Variants in INSL6 observed in about 807,000 individuals in gnomAD.
INSL6 encodes insulin like 6.
A neutral mutation model predicts 9.4 loss-of-function variants in INSL6; 16 were observed. The observed-to-expected ratio is 1.70, with a 90% CI of 1.15 to 2.59. The LOEUF is 2.59. Among genes scored for constraint, INSL6 ranks in the 30% most tolerant of loss-of-function variants. The pLI is 0.00. For synonymous variants in INSL6, 154 were observed against 96.9 expected (o/e 1.59, Z -3.46); for missense variants, 391 against 257.3 (o/e 1.52, Z -3.56).
the INSL6 span, chr9:5,085,863 T>C: frequency 3.8e-6 from 3 of 780,712 alleles, no homozygotes; most frequent in Non-Finnish European, 7.1e-6. Context: ...CTCAGAGATT[T>C]CCTTAAGTTC....
At chr9:5,068,237 T>C in the INSL6 span, among the ~76,000 whole-genome samples, 2 of 151,880 alleles carry the variant, frequency 1.3e-5, no homozygotes, top group East Asian at 3.9e-4. Flanking sequence ...CCTTGAGGTA[T>C]TGGTAGATTT....
chr9:5,060,870 T>C, the INSL6 span, among the ~76,000 whole-genome samples: 1 of 152,232 alleles, frequency 6.6e-6, no homozygotes, highest in Non-Finnish European at 1.5e-5. Flanking sequence ...ACAAAATGTA[T>C]TTCTTAGATA....
downstream of INSL6, among the ~76,000 whole-genome samples, chr9:5,121,905 G>GGAATT (rs572006744): frequency 4.5e-4 from 68 of 152,152 alleles, no homozygotes; most frequent in African/African-American, 1.5e-3. Flanking sequence ...AAGGAGTGAG[G>GGAATT]GAATAGTGCT....
the INSL6 span, among the ~76,000 whole-genome samples, chr9:5,033,080 C>T: frequency 4.6e-5 from 7 of 152,032 alleles, no homozygotes; most frequent in African/African-American, 1.4e-4. Context: ...AACCAAGGCA[C>T]GAGAACTACG....
downstream of INSL6, among the ~76,000 whole-genome samples, chr9:5,162,758 T>G (rs1364133596): frequency 6.6e-6 from 1 of 152,168 alleles, no homozygotes; most frequent in Non-Finnish European, 1.5e-5. Context: ...CAGATATAAG[T>G]GGAAAAGAAC....
exon 4 of INSL6, among the ~76,000 whole-genome samples, chr9:5,124,024 A>G (rs1056504463): frequency 3.3e-5 from 5 of 151,142 alleles, no homozygotes; most frequent in African/African-American, 1.2e-4. Flanking sequence ...GAAAATGTCT[A>G]TTGATCTCCT....
chr9:5,163,064 A>G (rs2130904334), downstream of INSL6, among the ~76,000 whole-genome samples: 1 of 152,342 alleles, frequency 6.6e-6, no homozygotes, highest in Non-Finnish European at 1.5e-5. Flanking sequence ...ATAGTCATAC[A>G]TTAACTCCAT....
At chr9:5,112,114 G>C in the INSL6 span, 3 of 329,074 alleles carry the variant, frequency 9.1e-6, no homozygotes, top group South Asian at 2.4e-5. Context: ...GGGCATCCAC[G>C]TGCTCTGCAG....
Position 5,156,175 on chromosome 9 carries a change from A to G in INSL6, c.376+8004T>C, listed in dbSNP as rs143335085. On this transcript the variant is annotated intron_variant, in intron 2 of 3. Coordinates refer to the INSL6 transcript ENST00000649639. ...GCCAAATGAACTTAAGATACAGAAAATCTAAGTAGATCTATAACTTTTCAA... is the reference window on the plus strand; with the variant it reads ...GCCAAATGAACTTAAGATACAGAAAGTCTAAGTAGATCTATAACTTTTCAA... Among the ~76,000 whole-genome samples, 152 of 152,328 alleles carry G rather than the reference A, an allele frequency of 1.0e-3. 2 individuals are homozygous for G. Among genetic ancestry groups the G allele is most frequent in the African/African-American group, 3.4e-3 (140 of 41,578 alleles).
At chr9:5,163,126 T>G (rs894371937), downstream of INSL6, among the ~76,000 whole-genome samples, 1 of 152,210 alleles carries the variant, frequency 6.6e-6, no homozygotes, top group Non-Finnish European at 1.5e-5. Context: ...AGAAGCCTTA[T>G]TAAACACAGA....
chr9:5,164,352 T>G, intron 1 of INSL6, 87 bp from the exon 2 acceptor site: 1 of 826,642 alleles, frequency 1.2e-6, no homozygotes, highest in East Asian at 2.5e-5. Flanking sequence ...AATCAGCTAA[T>G]TATTAAAAAA....
the INSL6 span, among the ~76,000 whole-genome samples, chr9:5,007,686 C>G: frequency 6.6e-6 from 1 of 151,386 alleles, no homozygotes; most frequent in East Asian, 1.9e-4. Flanking sequence ...TACTTTTGCA[C>G]CAGTCTAATA....
At chr9:5,097,389 C>G in the INSL6 span, 1 of 152,128 alleles carries the variant, frequency 6.6e-6, no homozygotes, top group Non-Finnish European at 1.5e-5. Context: ...AAGTTTATAT[C>G]CTTATTCTAT....
the INSL6 span, among the ~76,000 whole-genome samples, chr9:5,039,503 T>A: frequency 6.6e-6 from 1 of 152,118 alleles, no homozygotes; most frequent in Admixed American, 6.5e-5. Context: ...TTTTGGTATG[T>A]GTGGGAGGTT....
the INSL6 span, among the ~76,000 whole-genome samples, chr9:5,045,155 G>C: frequency 6.6e-6 from 1 of 152,134 alleles, no homozygotes; most frequent in South Asian, 2.1e-4. Context: ...TTTATGTGCT[G>C]CTAGACTAGT....
At chr9:4,998,455 C>G in the INSL6 span, among the ~76,000 whole-genome samples, 1 of 152,190 alleles carries the variant, frequency 6.6e-6, no homozygotes, top group African/African-American at 2.4e-5. Flanking sequence ...CGGGGTTTCA[C>G]CATGTTGGTC....
At chr9:4,993,669 G>A in the INSL6 span, among the ~76,000 whole-genome samples, 4 of 152,134 alleles carry the variant, frequency 2.6e-5, no homozygotes, top group African/African-American at 9.7e-5. Context: ...CTCCTTGAGG[G>A]CTCTTAGGCT....
the INSL6 span, chr9:5,069,842 A>T: frequency 1.2e-6 from 1 of 839,746 alleles, no homozygotes; most frequent in Non-Finnish European, 1.8e-6. Flanking sequence ...TATACGTAGA[A>T]CACATTTCAT....
chr9:5,013,352 A>G, the INSL6 span, among the ~76,000 whole-genome samples: 4 of 152,232 alleles, frequency 2.6e-5, no homozygotes, highest in Non-Finnish European at 5.9e-5. Context: ...TTGGACTATA[A>G]AATTTTGGTA....
Sources: allele counts gnomAD v4.1 joint callset (sites outside exome capture counted in the v4.1 genomes callset), GRCh38; gene constraint gnomAD v4.1.1; transcripts MANE v1.5; gene names NCBI Gene and HGNC (gene_info 2026-07-23, HGNC 2026-07-21).